Variants in KIAA1217 observed in about 807,000 individuals in gnomAD.
KIAA1217 encodes the protein sickle tail protein homolog.
KIAA1217 carries 88 observed loss-of-function variants against 163.9 expected under a neutral mutation model. The observed-to-expected ratio is 0.54, with a 90% confidence interval of 0.45 to 0.64. The LOEUF is 0.64. Among genes scored for constraint, KIAA1217 ranks in the 30% least tolerant of loss-of-function variants. The pLI is 0.00. For synonymous variants in KIAA1217, 903 were observed against 923.1 expected (o/e 0.98, Z 0.39); for missense variants, 2,372 against 2,475.0 (o/e 0.96, Z 0.88).
chr10:23,731,168 G>A (rs538980926), intron 1 of KIAA1217, among the ~76,000 whole-genome samples: 1 of 152,180 alleles, frequency 6.6e-6, no homozygotes, highest in South Asian at 2.1e-4. Flanking sequence ...CATAGCCTCT[G>A]GCCAGAAGCC....
At chr10:24,311,562 T>C (rs1380334023) in intron 2 of KIAA1217, among the ~76,000 whole-genome samples, 1 of 152,196 alleles carries the variant, frequency 6.6e-6, no homozygotes, top group East Asian at 1.9e-4. Context: ...TGTGACCACA[T>C]TGCTTTTTCT....
intron 1 of KIAA1217, among the ~76,000 whole-genome samples, chr10:23,734,021 A>C (rs1838639852): frequency 6.6e-6 from 1 of 152,140 alleles, no homozygotes; most frequent in Non-Finnish European, 1.5e-5. Flanking sequence ...TGTTTTTATC[A>C]TGTAACATTT....
chr10:24,211,535 G>GTATTT (rs2068090690), intron 1 of KIAA1217, among the ~76,000 whole-genome samples: 4 of 5,830 alleles, frequency 6.9e-4, no homozygotes, highest in Non-Finnish European at 2.3e-3. Flanking sequence ...ATGCATGGTT[G>GTATTT]TATTGTATTG....
chr10:24,538,924 G>A (rs2074553973), intron 17 of KIAA1217, among the ~76,000 whole-genome samples: 1 of 151,806 alleles, frequency 6.6e-6, no homozygotes, highest in African/African-American at 2.4e-5. Context: ...AGTAGAGATG[G>A]GGTTTCACCA....
At chr10:23,700,894 A>C (rs1836400230) in intron 1 of KIAA1217, among the ~76,000 whole-genome samples, 1 of 149,892 alleles carries the variant, frequency 6.7e-6, no homozygotes, top group Non-Finnish European at 1.5e-5. Flanking sequence ...CCCCTACTAG[A>C]AGGTAAACTC....
Position 24,546,149 on chromosome 10 carries a change from G to C in KIAA1217, c.5657G>C (p.Arg1886Pro). 1 of 1,613,970 alleles carries C rather than the reference G, an allele frequency of 6.2e-7. No individual in the cohort carries two copies. The highest frequency in any genetic ancestry group is 8.5e-7 in the Non-Finnish European group (1 of 1,179,996). ...LSFSPQSQNGRAPPPLSFSSS... is the reference protein window; with the variant it reads ...LSFSPQSQNGPAPPPLSFSSS... ...TTCTCACCGCAGAGTCAAAATGGCC[G>C]AGCACCCCCTCCTTTGTCATTTTCC... The change falls in exon 21 of 21, where the codon CGA (arginine) becomes CCA (proline). Residue 1886 changes from arginine (R) to proline (P), a missense_variant. Coordinates refer to ENST00000376454, the MANE Select transcript of KIAA1217 (RefSeq NM_019590.5).
At chr10:24,220,051 C>T (rs1397816683) in intron 2 of KIAA1217, 142 bp downstream of exon 2, 1 of 881,350 alleles carries the variant, frequency 1.1e-6, no homozygotes, top group Non-Finnish European at 1.6e-6. Flanking sequence ...TTCTTTGGGG[C>T]CTTGGGAGGA....
intron 2 of KIAA1217, among the ~76,000 whole-genome samples, chr10:24,069,526 A>T (rs1471317387): frequency 6.6e-6 from 1 of 152,154 alleles, no homozygotes; most frequent in Admixed American, 6.5e-5. Context: ...GTGTGGTTCA[A>T]ATCTGCCCCT....
intron 1 of KIAA1217, among the ~76,000 whole-genome samples, chr10:23,936,424 T>A (rs1362335607): frequency 1.3e-5 from 2 of 152,212 alleles, no homozygotes. Flanking sequence ...GAATGTGACC[T>A]CATTTGCGCT....
In KIAA1217 at chr10:23,953,505, G is replaced by T. The variant is rs567367031; in HGVS notation, c.-320-53720G>T. Among the ~76,000 whole-genome samples, 11 of 152,292 alleles carry T rather than the reference G, an allele frequency of 7.2e-5. No individual in the cohort carries two copies. In the South Asian group the frequency reaches 1.7e-3, roughly 23 times the overall value. Reference sequence around the variant, plus strand: ...TTTCATTGTCTAGAAAAGTTATATGGCTTTGCCCAACTACCAAGATATGGG... The same window carrying T: ...TTTCATTGTCTAGAAAAGTTATATGTCTTTGCCCAACTACCAAGATATGGG... On this transcript the variant is annotated intron_variant, in intron 1 of 18. Coordinates refer to the KIAA1217 transcript ENST00000376462.
intron 2 of KIAA1217, among the ~76,000 whole-genome samples, chr10:24,347,467 T>G (rs1423373305): frequency 6.6e-6 from 1 of 152,306 alleles, no homozygotes; most frequent in South Asian, 2.1e-4. Context: ...AAGAAAAACT[T>G]TGTCATTTTT....
chr10:23,981,922 T>C, intron 1 of KIAA1217, among the ~76,000 whole-genome samples: 1 of 151,970 alleles, frequency 6.6e-6, no homozygotes, highest in East Asian at 1.9e-4. Flanking sequence ...CTGGGACAGA[T>C]AAAATTTTAA....
intron 3 of KIAA1217, among the ~76,000 whole-genome samples, chr10:24,397,878 G>A (rs910547349): frequency 3.3e-5 from 5 of 152,144 alleles, no homozygotes; most frequent in Non-Finnish European, 5.9e-5. Context: ...GGCACTGAGT[G>A]TACCCGGAAG....
chr10:24,201,472 G>T (rs2067251000), intron 2 of KIAA1217, among the ~76,000 whole-genome samples: 1 of 152,156 alleles, frequency 6.6e-6, no homozygotes, highest in African/African-American at 2.4e-5. Flanking sequence ...TCTGGGAAAT[G>T]AAGAATGTTA....
At chr10:23,758,407 T>TA (rs781358591) in intron 1 of KIAA1217, among the ~76,000 whole-genome samples, 1 of 152,188 alleles carries the variant, frequency 6.6e-6, no homozygotes, top group African/African-American at 2.4e-5. Context: ...TGTATTCCAT[T>TA]GGTCTGTATG....
intron 2 of KIAA1217, among the ~76,000 whole-genome samples, chr10:24,303,922 C>G (rs2041684625): frequency 6.6e-6 from 1 of 151,986 alleles, no homozygotes; most frequent in Non-Finnish European, 1.5e-5. Flanking sequence ...AAAAAAAGAC[C>G]ATTGGAAAGA....
intron 1 of KIAA1217, among the ~76,000 whole-genome samples, chr10:23,744,740 T>C (rs1483031491): frequency 6.6e-6 from 1 of 152,214 alleles, no homozygotes; most frequent in East Asian, 1.9e-4. Context: ...TGTCAAAAGA[T>C]TTATTTTAAA....
At chr10:24,283,748 G>A (rs758791838) in intron 2 of KIAA1217, among the ~76,000 whole-genome samples, 11 of 152,210 alleles carry the variant, frequency 7.2e-5, no homozygotes, top group South Asian at 2.1e-4. Context: ...CATTATCAAT[G>A]AATGAGAGTT....
chr10:23,982,529 T>TCTCTCTCTC (rs1845810439), intron 1 of KIAA1217, among the ~76,000 whole-genome samples: 1 of 73,568 alleles, frequency 1.4e-5, no homozygotes, highest in South Asian at 6.7e-4. Flanking sequence ...TGTTTTTTGT[T>TCTCTCTCTC]TCTCTCTCTC....
Sources: gnomAD v4.1 joint callset for allele counts (sites outside exome capture counted in the v4.1 genomes callset) on GRCh38, gnomAD v4.1.1 for gene constraint, MANE v1.5 for transcripts, NCBI Gene and HGNC (gene_info 2026-07-23, HGNC 2026-07-21) for gene names.